The following AFG2A variants were observed in gnomAD, a reference collection of about 807,000 sequenced individuals.
AFG2A encodes ATPase family gene 2 protein homolog A.
At chr4:122,994,990 G>A in the AFG2A span, among the ~76,000 whole-genome samples, 1 of 152,082 alleles carries the variant, frequency 6.6e-6, no homozygotes, top group South Asian at 2.1e-4. Flanking sequence ...ACATCAGAAT[G>A]TGACAGTCAG....
At chr4:123,031,160 CT>C in the AFG2A span, among the ~76,000 whole-genome samples, 1 of 151,188 alleles carries the variant, frequency 6.6e-6, no homozygotes, top group Non-Finnish European at 1.5e-5. Context: ...ACTCTGTTCT[CT>C]TTTTTTTTGA....
At chr4:123,159,122 C>T in the AFG2A span, among the ~76,000 whole-genome samples, 1 of 152,074 alleles carries the variant, frequency 6.6e-6, no homozygotes, top group African/African-American at 2.4e-5. Context: ...CTTCCAAATG[C>T]CAGGTAAATC....
At chr4:123,038,140 T>G in the AFG2A span, among the ~76,000 whole-genome samples, 1 of 152,090 alleles carries the variant, frequency 6.6e-6, no homozygotes, top group East Asian at 1.9e-4. Context: ...AACTGTCAAG[T>G]GTAATAGTTA....
the AFG2A span, among the ~76,000 whole-genome samples, chr4:123,153,825 C>T: frequency 6.6e-6 from 1 of 151,940 alleles, no homozygotes; most frequent in African/African-American, 2.4e-5. Flanking sequence ...AAAACAAACC[C>T]ACACATTAAA....
the AFG2A span, among the ~76,000 whole-genome samples, chr4:122,945,791 C>T: frequency 6.6e-6 from 1 of 152,208 alleles, no homozygotes; most frequent in East Asian, 1.9e-4. Context: ...ATCTTGGCTC[C>T]TCCCCGAACT....
chr4:122,992,956 T>TTG, the AFG2A span, among the ~76,000 whole-genome samples: 31 of 132,886 alleles, frequency 2.3e-4, no homozygotes, highest in Middle Eastern at 3.9e-3. Flanking sequence ...CCTGTAAGAT[T>TTG]TGTGTGTGTG....
the AFG2A span, among the ~76,000 whole-genome samples, chr4:123,235,554 C>T: frequency 2.8e-4 from 42 of 152,272 alleles, no homozygotes; most frequent in Admixed American, 2.2e-3. Flanking sequence ...GGAAAGACCA[C>T]AACGAGTAGT....
the AFG2A span, among the ~76,000 whole-genome samples, chr4:122,980,174 T>A: frequency 1.3e-5 from 2 of 152,222 alleles, no homozygotes; most frequent in East Asian, 3.8e-4. Context: ...AGAACCTTTA[T>A]ATAAATGGAA....
the AFG2A span, among the ~76,000 whole-genome samples, chr4:123,000,005 G>C: frequency 6.6e-6 from 1 of 152,008 alleles, no homozygotes; most frequent in African/African-American, 2.4e-5. Flanking sequence ...AGTTCTCCTT[G>C]AAGAGGTCCT....
chr4:123,066,860 T>C, the AFG2A span, among the ~76,000 whole-genome samples: 6 of 152,298 alleles, frequency 3.9e-5, no homozygotes, highest in Admixed American at 3.9e-4. Flanking sequence ...ATGGAAAATG[T>C]GTAACAGATT....
the AFG2A span, among the ~76,000 whole-genome samples, chr4:123,116,767 C>T: frequency 5.9e-5 from 9 of 151,964 alleles, no homozygotes; most frequent in African/African-American, 2.2e-4. Context: ...ACACAGTCTT[C>T]GAAAAATGTT....
At chr4:122,946,221 G>A in the AFG2A span, among the ~76,000 whole-genome samples, 1 of 152,214 alleles carries the variant, frequency 6.6e-6, no homozygotes, top group Admixed American at 6.5e-5. Context: ...AATATAGAGA[G>A]CTGTCTTATA....
At chr4:123,082,523 CTTTTTT>C in the AFG2A span, among the ~76,000 whole-genome samples, 13 of 141,310 alleles carry the variant, frequency 9.2e-5, 1 homozygote, top group South Asian at 8.7e-4. Flanking sequence ...TCTCTTTTTT[CTTTTTT>C]TTTTTTTTTG....
At chr4:123,113,091 G>T in the AFG2A span, among the ~76,000 whole-genome samples, 1 of 152,056 alleles carries the variant, frequency 6.6e-6, no homozygotes, top group South Asian at 2.1e-4. Context: ...AATGTGTTTG[G>T]ATTCAAGGAA....
chr4:123,065,948 TG>T, the AFG2A span, among the ~76,000 whole-genome samples: 3 of 152,134 alleles, frequency 2.0e-5, no homozygotes, highest in Non-Finnish European at 4.4e-5. Context: ...CATAAAAACA[TG>T]ATCAAATATA....
chr4:122,926,230 G>A, the AFG2A span, among the ~76,000 whole-genome samples: 1 of 152,212 alleles, frequency 6.6e-6, no homozygotes, highest in African/African-American at 2.4e-5. Flanking sequence ...GAAAACTAAA[G>A]TCTTGGGAAG....
chr4:122,992,391 T>C, the AFG2A span, among the ~76,000 whole-genome samples: 6 of 152,256 alleles, frequency 3.9e-5, no homozygotes, highest in African/African-American at 7.2e-5. Context: ...CTGCATTTTA[T>C]GCTTGCTTCA....
At chr4:123,301,927 C>T in the AFG2A span, among the ~76,000 whole-genome samples, 2 of 152,102 alleles carry the variant, frequency 1.3e-5, no homozygotes, top group Admixed American at 6.5e-5. Context: ...CCACCCCCAC[C>T]AAATATGCCA....
chr4:123,256,354 CTATTA>C, the AFG2A span, among the ~76,000 whole-genome samples: 1 of 152,152 alleles, frequency 6.6e-6, no homozygotes. Context: ...TACGTGGCTT[CTATTA>C]TATCACAATT....
Sources: allele counts gnomAD v4.1 joint callset (sites outside exome capture counted in the v4.1 genomes callset), GRCh38; gene constraint gnomAD v4.1.1; transcripts MANE v1.5; gene names NCBI Gene and HGNC (gene_info 2026-07-23, HGNC 2026-07-21).